The following PROSER3 variants were observed in gnomAD, a reference collection of about 807,000 sequenced individuals.
PROSER3 encodes the protein proline and serine rich 3.
In PROSER3, 33 loss-of-function variants were observed where a neutral mutation model predicts 50.2. The ratio of observed to expected loss-of-function variants is 0.66; its 90% CI spans 0.50 to 0.88. The LOEUF (loss-of-function observed/expected upper bound fraction) is 0.88. Ranked by LOEUF, PROSER3 falls within the 40% of genes least tolerant of loss-of-function variation. The pLI is 0.00. For synonymous variants in PROSER3, 266 were observed against 259.3 expected (o/e 1.03, Z -0.25); for missense variants, 623 against 612.7 (o/e 1.02, Z -0.18).
rs373216737 is a variant in PROSER3, at chr19:35,767,946, C to T, written c.1100C>T (p.Ser367Leu). 1.0e-4 allele frequency: 161 copies of T among 1,610,652 alleles called. 1 individual carries two copies. The highest frequency in any genetic ancestry group is 1.3e-4 in the Non-Finnish European group (150 of 1,179,460). Reference sequence around the variant, plus strand: ...GAGCAGGCAACCACAGTCAAGGCCTCGCCGCCAGCCTTCCAGGTGGGGTCT... The same window carrying T: ...GAGCAGGCAACCACAGTCAAGGCCTTGCCGCCAGCCTTCCAGGTGGGGTCT... Residue 367 changes from serine to leucine, a missense_variant, in exon 9 of 11, where the codon TCG (serine) becomes TTG (leucine). Around this residue, in one of 3 missense-constraint regions of PROSER3, gnomAD observed 380 missense variants for 346.8 expected, o/e 1.10. Coordinates refer to ENST00000396908, the Ensembl canonical transcript of PROSER3.
chr19:35,758,689 CAG>C (rs918028455), intron 1 of PROSER3: 1 of 157,668 alleles, frequency 6.3e-6, no homozygotes, highest in East Asian at 1.8e-4. Context: ...TTTTTTAAGA[CAG>C]AGTCTCTCGC....
At position 35,759,360 on chromosome 19, in the gene PROSER3, C is replaced by G; in HGVS notation, c.12-14C>G. ...GAAACCACGTGCTGCCTGAACCCCA[C>G]TTTCCTCTTGCAGCCTGCCAGTTTT... On this transcript the variant is annotated splice_polypyrimidine_tract_variant and intron_variant, in intron 1 of 10. Coordinates refer to ENST00000396908, the Ensembl canonical transcript of PROSER3. 6.2e-7 allele frequency: 1 copy of G among 1,611,776 alleles called. No homozygotes were observed. The highest frequency in any genetic ancestry group is 8.5e-7 in the Non-Finnish European group (1 of 1,178,760).
At chr19:35,759,676 C>A in intron 2 of PROSER3, 113 bp from the exon 3 acceptor site, 2 of 1,114,532 alleles carry the variant, frequency 1.8e-6, no homozygotes, top group Non-Finnish European at 2.6e-6. Context: ...GTTATCATTA[C>A]AGGATGTGTT....
rs1971078751 is a variant in PROSER3, at chr19:35,764,713, C to T, written c.544-141C>T. On this transcript the variant is annotated intron_variant, in intron 5 of 10. Transcript: ENST00000396908. ...CAAAGGGGAAAACTGGGTCTCTCCT[C>T]CCTGAGGAGGAGGAGCAGATCCTAA... 7 of 686,906 alleles carry T rather than the reference C, an allele frequency of 1.0e-5. No individual in the cohort carries two copies. The South Asian group carries it at 1.2e-4, about 12-fold the overall frequency. The allele number at this position is 686,906 out of a possible 1,614,324, so 42.6% of individuals were successfully genotyped here. A position where few individuals can be genotyped will look rare whatever the true frequency, so the allele number is the denominator to read the frequency against.
chr19:35,770,540 G>A (rs1054700117), downstream of PROSER3, among the ~76,000 whole-genome samples: 1 of 152,158 alleles, frequency 6.6e-6, no homozygotes, highest in Non-Finnish European at 1.5e-5. Flanking sequence ...CAAATAAAAT[G>A]CAGAGGAAGT....
exon 5 of PROSER3, chr19:35,762,319 C>T: frequency 6.2e-7 from 1 of 1,610,182 alleles, no homozygotes; most frequent in Non-Finnish European, 8.5e-7. Flanking sequence ...GTGACCAGTG[C>T]ATCCCATGCT....
At chr19:35,762,560 AAAAGAG>A in intron 5 of PROSER3, 7 of 505,622 alleles carry the variant, frequency 1.4e-5, no homozygotes, top group East Asian at 1.0e-4. Flanking sequence ...AAAAAAAAAA[AAAAGAG>A]AGAGAGAGAG....
chr19:35,769,488 A>C (rs958908878), downstream of PROSER3: 2 of 151,108 alleles, frequency 1.3e-5, no homozygotes, highest in African/African-American at 4.9e-5. Flanking sequence ...TTGTATTTTT[A>C]GTAGAGACGG....
chr19:35,767,522 T>C, intron 8 of PROSER3: 4 of 473,584 alleles, frequency 8.4e-6, no homozygotes, highest in Non-Finnish European at 1.5e-5. Context: ...CCCAAGCAGC[T>C]GTGCCCAGCC....
intron 1 of PROSER3, 166 bp downstream of exon 1, chr19:35,758,392 G>A: frequency 1.1e-6 from 1 of 871,606 alleles, no homozygotes; most frequent in Non-Finnish European, 1.6e-6. Flanking sequence ...TCCAGCCGTA[G>A]CCGTTAGCAT....
chr19:35,768,577 TC>T, exon 11 of PROSER3: 1 of 1,514,420 alleles, frequency 6.6e-7, no homozygotes, highest in Admixed American at 2.3e-5. Flanking sequence ...CCAGTGAGGC[TC>T]TTTTTTTTTT....
At chr19:35,767,518 C>T (rs1971194614) in intron 8 of PROSER3, 2 of 473,372 alleles carry the variant, frequency 4.2e-6, no homozygotes, top group Non-Finnish European at 7.5e-6. Flanking sequence ...CTGACCCAAG[C>T]AGCTGTGCCC....
chr19:35,768,000 C>A (rs1280650978), exon 9 of PROSER3: 2 of 1,593,808 alleles, frequency 1.3e-6, no homozygotes, highest in Admixed American at 1.7e-5. Context: ...CCCCCGCCCG[C>A]TGCTGACCAC....
chr19:35,759,304 C>A, intron 1 of PROSER3, 70 bp from the exon 2 acceptor site: 1 of 1,226,792 alleles, frequency 8.2e-7, no homozygotes, highest in Non-Finnish European at 1.2e-6. Context: ...GTTCTGCCCT[C>A]CTCTAATGTC....
intron 7 of PROSER3, 95 bp downstream of exon 7, chr19:35,765,271 G>C: frequency 1.4e-6 from 2 of 1,404,190 alleles, no homozygotes; most frequent in Non-Finnish European, 1.9e-6. Context: ...TCTGGGCCTT[G>C]TTTCTCCAGC....
Position 35,762,036 on chromosome 19 carries a change from G to A in PROSER3, c.329G>A (p.Arg110His), listed in dbSNP as rs768331849. ...GTTCACAGGTATATAAACAGGTTCC[G>A]CCAGGCTCAGCCCACCAGTCGAGAG... The change falls in exon 4 of 11, where the codon CGC (arginine) becomes CAC (histidine). Residue 110 changes from arginine (R) to histidine (H), a missense_variant. Coordinates refer to ENST00000396908, the Ensembl canonical transcript of PROSER3. The A allele has an allele frequency of 6.3e-5, 101 of 1,608,014 alleles. 1 individual carries two copies. Among genetic ancestry groups the A allele is most frequent in the Admixed American group, 5.0e-4 (30 of 59,756 alleles).
Position 35,764,750 on chromosome 19 carries a change from A to G in PROSER3, c.544-104A>G, listed in dbSNP as rs189130161. The G allele has an allele frequency of 8.6e-4, 860 of 1,000,432 alleles. 1 individual carries two copies. Among genetic ancestry groups the G allele is most frequent in the Admixed American group, 3.5e-3 (155 of 44,884 alleles). The allele number at this position is 1,000,432 out of a possible 1,614,324, so 62.0% of individuals were successfully genotyped here. ...GGAGCAGATCCTAAGCTGGCATGTG[A>G]GGTTACCAAGGGCAGTACAACCTGC... On this transcript the variant is annotated intron_variant, in intron 5 of 10. Coordinates refer to ENST00000396908, the Ensembl canonical transcript of PROSER3.
chr19:35,762,561 A>AG (rs1970992449), intron 5 of PROSER3: 4 of 490,088 alleles, frequency 8.2e-6, no homozygotes, highest in African/African-American at 5.9e-5. Flanking sequence ...AAAAAAAAAA[A>AG]AAGAGAGAGA....
chr19:35,758,418 A>G, intron 1 of PROSER3, 192 bp downstream of exon 1: 1 of 622,606 alleles, frequency 1.6e-6, no homozygotes, highest in South Asian at 2.5e-5. Flanking sequence ...GGGTCCCCTA[A>G]GAGTCTTATG....
Sources: gnomAD v4.1 joint callset for allele counts (sites outside exome capture counted in the v4.1 genomes callset) on GRCh38, gnomAD v4.1.1 for gene constraint, gnomAD v4.1.1 regional missense constraint, MANE v1.5 for transcripts, NCBI Gene and HGNC (gene_info 2026-07-23, HGNC 2026-07-21) for gene names.